Variants in OPCML observed in about 807,000 individuals in gnomAD.
OPCML encodes opioid binding protein/cell adhesion molecule like.
A neutral mutation model predicts 37.8 loss-of-function variants in OPCML; 13 were observed. The observed-to-expected ratio is 0.34, with a 90% confidence interval of 0.22 to 0.55. The LOEUF (loss-of-function observed/expected upper bound fraction) is 0.55, where lower values mean the gene tolerates loss of function less well. Ranked by LOEUF, OPCML falls within the 20% of genes least tolerant of loss-of-function variation. The probability of loss-of-function intolerance (pLI) is 0.91; values close to 1 mark genes in which losing one functional copy is unlikely to be tolerated. For synonymous variants in OPCML, 176 were observed against 168.8 expected (o/e 1.04, Z -0.33); for missense variants, 341 against 435.6 (o/e 0.78, Z 1.93).
chr11:132,828,626 GA>G (rs56970901), intron 2 of OPCML, among the ~76,000 whole-genome samples: 10 of 151,210 alleles, frequency 6.6e-5, no homozygotes, highest in Admixed American at 1.3e-4. Flanking sequence ...TTCACCAACA[GA>G]AAAAAAAAGT....
rs1220846842 is a variant in OPCML at position 133,052,186 on chromosome 11, G to A, written c.62-109176C>T. Among the ~76,000 whole-genome samples, 3 of 152,168 alleles carry A rather than the reference G, an allele frequency of 2.0e-5. No homozygotes were observed. In the East Asian group the frequency reaches 5.8e-4, roughly 29 times the overall value. ...TACCCTATTTCCAAATAAACTAAGG[G>A]TTTTGGAGAGTTGGAGAATTATAGT... On this transcript the variant is annotated intron_variant, in intron 1 of 7. Coordinates refer to ENST00000524381, the MANE Select transcript of OPCML (RefSeq NM_001012393.5).
chr11:132,778,756 G>C (rs568698706), intron 2 of OPCML, among the ~76,000 whole-genome samples: 1 of 152,108 alleles, frequency 6.6e-6, no homozygotes, highest in Non-Finnish European at 1.5e-5. Flanking sequence ...AGAAAATCAA[G>C]GCCTATAGAA....
intron 2 of OPCML, among the ~76,000 whole-genome samples, chr11:132,691,570 G>A (rs982295892): frequency 6.6e-6 from 1 of 152,216 alleles, no homozygotes; most frequent in African/African-American, 2.4e-5. Flanking sequence ...TCAGCTACAT[G>A]TGGAGTGTTG....
intron 1 of OPCML, among the ~76,000 whole-genome samples, chr11:133,033,755 GC>G (rs1947715405): frequency 6.6e-6 from 1 of 152,180 alleles, no homozygotes; most frequent in African/African-American, 2.4e-5. Flanking sequence ...AAAATATGCA[GC>G]TAGTGGTTAT....
intron 3 of OPCML, among the ~76,000 whole-genome samples, chr11:132,654,986 C>T (rs1941633705): frequency 1.3e-5 from 2 of 152,214 alleles, no homozygotes; most frequent in Admixed American, 1.3e-4. Flanking sequence ...TGACCTGAAG[C>T]TTGGAGGTCC....
chr11:133,458,950 A>G (rs1478124043), intron 1 of OPCML, among the ~76,000 whole-genome samples: 1 of 151,918 alleles, frequency 6.6e-6, no homozygotes, highest in Admixed American at 6.6e-5. Context: ...ATACATTAAC[A>G]GAAATTTTGG....
intron 2 of OPCML, among the ~76,000 whole-genome samples, chr11:132,793,765 T>C (rs1199329408): frequency 2.6e-5 from 4 of 152,208 alleles, no homozygotes; most frequent in Non-Finnish European, 5.9e-5. Context: ...ATCTCTCCCA[T>C]GGGACTACTG....
intron 2 of OPCML, among the ~76,000 whole-genome samples, chr11:132,821,814 C>T (rs1395288947): frequency 1.3e-5 from 2 of 152,098 alleles, no homozygotes; most frequent in Non-Finnish European, 2.9e-5. Context: ...TAAATGTCTC[C>T]TGGGAGCCTT....
chr11:132,978,992 C>A (rs755464010), intron 1 of OPCML, among the ~76,000 whole-genome samples: 2 of 152,128 alleles, frequency 1.3e-5, no homozygotes, highest in Non-Finnish European at 2.9e-5. Flanking sequence ...TGTTTCACAT[C>A]GCAACAAATG....
intron 4 of OPCML, among the ~76,000 whole-genome samples, chr11:132,492,960 C>T (rs1280081628): frequency 6.6e-6 from 1 of 152,138 alleles, no homozygotes; most frequent in Non-Finnish European, 1.5e-5. Flanking sequence ...GAGGGACTAG[C>T]ACAGTACCTG....
intron 2 of OPCML, among the ~76,000 whole-genome samples, chr11:132,917,001 A>C (rs61906931): frequency 0.24 from 37,131 of 151,934 alleles, 7,862 homozygotes; most frequent in African/African-American, 0.57. Context: ...TTTTGCAGAC[A>C]CTGGTCCCTG....
intron 2 of OPCML, among the ~76,000 whole-genome samples, chr11:132,818,224 T>C (rs1008635519): frequency 2.6e-5 from 4 of 152,342 alleles, no homozygotes; most frequent in Non-Finnish European, 5.9e-5. Context: ...TTCAATTTTC[T>C]ATTGAAATTT....
At chr11:132,862,321 G>A (rs952057075) in intron 2 of OPCML, among the ~76,000 whole-genome samples, 1 of 152,098 alleles carries the variant, frequency 6.6e-6, no homozygotes, top group African/African-American at 2.4e-5. Context: ...GGTAGGCTGG[G>A]TGCATCATCT....
intron 3 of OPCML, among the ~76,000 whole-genome samples, chr11:132,655,750 G>A (rs990570201): frequency 3.5e-4 from 54 of 152,144 alleles, no homozygotes; most frequent in African/African-American, 1.1e-3. Flanking sequence ...GGCTGCTTGC[G>A]CCAAAAGGAA....
intron 1 of OPCML, among the ~76,000 whole-genome samples, chr11:132,983,765 A>C (rs1404957177): frequency 6.6e-6 from 1 of 152,222 alleles, no homozygotes; most frequent in African/African-American, 2.4e-5. Flanking sequence ...TTTTAAAATA[A>C]AAATATCAGC....
chr11:132,660,067 G>C (rs1339612909), intron 2 of OPCML, among the ~76,000 whole-genome samples: 1 of 152,016 alleles, frequency 6.6e-6, no homozygotes, highest in African/African-American at 2.4e-5. Flanking sequence ...CATAAATATA[G>C]AGCACATTTC....
chr11:133,112,074 T>C (rs1949262433), intron 1 of OPCML, among the ~76,000 whole-genome samples: 1 of 152,152 alleles, frequency 6.6e-6, no homozygotes, highest in Non-Finnish European at 1.5e-5. Context: ...CAGGATTGCA[T>C]GCAATATTCA....
At chr11:133,469,456 C>T (rs868486451) in intron 1 of OPCML, among the ~76,000 whole-genome samples, 1 of 152,190 alleles carries the variant, frequency 6.6e-6, no homozygotes, top group African/African-American at 2.4e-5. Context: ...GTGAAGTTCA[C>T]ACATGATGAC....
At chr11:132,909,974 A>G (rs752901401) in intron 2 of OPCML, among the ~76,000 whole-genome samples, 3 of 152,242 alleles carry the variant, frequency 2.0e-5, no homozygotes, top group Non-Finnish European at 2.9e-5. Flanking sequence ...ATTGTTTTAG[A>G]GTTAATTGAT....
Sources: allele counts gnomAD v4.1 joint callset (sites outside exome capture counted in the v4.1 genomes callset), GRCh38; gene constraint gnomAD v4.1.1; transcripts MANE v1.5; gene names NCBI Gene and HGNC (gene_info 2026-07-23, HGNC 2026-07-21).